The following CIMAP3 variants were observed in gnomAD, a reference collection of about 807,000 sequenced individuals.
CIMAP3 encodes ciliary microtubule-associated protein 3.
the CIMAP3 span, chr1:111,351,424 T>G: frequency 9.0e-7 from 1 of 1,108,500 alleles, no homozygotes; most frequent in African/African-American, 1.6e-5. Flanking sequence ...GTGGCCCTCT[T>G]GTCTGGCAGC....
the CIMAP3 span, among the ~76,000 whole-genome samples, chr1:111,332,271 C>T: frequency 2.0e-5 from 3 of 152,174 alleles, no homozygotes; most frequent in Admixed American, 6.5e-5. Flanking sequence ...TGGAGACAAC[C>T]CACAGCAGTT....
At chr1:111,348,663 T>C in the CIMAP3 span, 4 of 1,555,998 alleles carry the variant, frequency 2.6e-6, no homozygotes, top group African/African-American at 5.5e-5. Context: ...CTCCTCCCTT[T>C]TGGTGCACTT....
At chr1:111,351,373 C>T in the CIMAP3 span, 2 of 1,435,844 alleles carry the variant, frequency 1.4e-6, no homozygotes, top group African/African-American at 2.9e-5. Flanking sequence ...ACAGACTCTC[C>T]AGGACTGAGG....
At chr1:111,324,740 G>A in the CIMAP3 span, 13 of 985,284 alleles carry the variant, frequency 1.3e-5, no homozygotes, top group Non-Finnish European at 1.6e-5. Context: ...GAGAGATCCA[G>A]GCTTACTGGA....
chr1:111,338,477 AATAATC>A, the CIMAP3 span, among the ~76,000 whole-genome samples: 71,700 of 149,860 alleles, frequency 0.48, 17,506 homozygotes, highest in South Asian at 0.54. Context: ...AAAAAGAGAG[AATAATC>A]ATAATCAAAT....
At chr1:111,329,515 CCATATATATATATA>C in the CIMAP3 span, among the ~76,000 whole-genome samples, 2 of 77,016 alleles carry the variant, frequency 2.6e-5, no homozygotes, top group East Asian at 8.9e-4. Flanking sequence ...TCACATAAAC[CCATATATATATATA>C]TATATATATA....
At chr1:111,338,690 G>T in the CIMAP3 span, among the ~76,000 whole-genome samples, 13 of 152,112 alleles carry the variant, frequency 8.5e-5, no homozygotes, top group South Asian at 2.5e-3. Flanking sequence ...AATAACAGGA[G>T]CTGAAATTGT....
At chr1:111,337,919 A>C in the CIMAP3 span, among the ~76,000 whole-genome samples, 1 of 150,542 alleles carries the variant, frequency 6.6e-6, no homozygotes, top group Admixed American at 6.6e-5. Context: ...CACCACACCT[A>C]TTCCAAAATT....
chr1:111,332,428 G>A, the CIMAP3 span, among the ~76,000 whole-genome samples: 2 of 152,196 alleles, frequency 1.3e-5, no homozygotes, highest in African/African-American at 2.4e-5. Context: ...TGCAGTGGGA[G>A]GCCTATAAAG....
At chr1:111,329,247 G>C in the CIMAP3 span, among the ~76,000 whole-genome samples, 1 of 151,990 alleles carries the variant, frequency 6.6e-6, no homozygotes, top group African/African-American at 2.4e-5. Flanking sequence ...CTTTGTAGGT[G>C]ACCTGACCTT....
the CIMAP3 span, among the ~76,000 whole-genome samples, chr1:111,341,696 G>A: frequency 6.6e-6 from 1 of 152,312 alleles, no homozygotes; most frequent in Non-Finnish European, 1.5e-5. Flanking sequence ...TTTCCTTCAA[G>A]TTTAATCCCG....
At chr1:111,348,665 G>T in the CIMAP3 span, 2 of 1,546,204 alleles carry the variant, frequency 1.3e-6, no homozygotes, top group Non-Finnish European at 1.7e-6. Flanking sequence ...CCTCCCTTTT[G>T]GTGCACTTCA....
the CIMAP3 span, chr1:111,346,704 G>A: frequency 1.2e-6 from 2 of 1,603,966 alleles, no homozygotes; most frequent in Non-Finnish European, 1.7e-6. Context: ...CTAGAGTAGA[G>A]GGCAGGTAGG....
chr1:111,348,707 G>A, the CIMAP3 span: 27 of 1,454,308 alleles, frequency 1.9e-5, no homozygotes, highest in African/African-American at 1.3e-4. Context: ...AAAGAAGTAC[G>A]TAATAAAAGA....
At chr1:111,332,894 T>C in the CIMAP3 span, among the ~76,000 whole-genome samples, 5 of 152,176 alleles carry the variant, frequency 3.3e-5, no homozygotes, top group African/African-American at 1.2e-4. Context: ...TCCTGGGGCA[T>C]AGATACATAT....
At chr1:111,334,313 G>A in the CIMAP3 span, among the ~76,000 whole-genome samples, 2 of 152,174 alleles carry the variant, frequency 1.3e-5, no homozygotes, top group East Asian at 3.8e-4. Flanking sequence ...GGAAGGGCAG[G>A]GCTCCAATCA....
chr1:111,342,696 G>A, the CIMAP3 span, among the ~76,000 whole-genome samples: 1 of 152,194 alleles, frequency 6.6e-6, no homozygotes, highest in Admixed American at 6.5e-5. Context: ...CTTCCTGTGG[G>A]TTAAGGCAGG....
chr1:111,349,124 A>G, the CIMAP3 span: 1 of 153,044 alleles, frequency 6.5e-6, no homozygotes, highest in African/African-American at 2.4e-5. Flanking sequence ...TGTCCAGGCT[A>G]CAAAGAAGGT....
the CIMAP3 span, chr1:111,350,214 A>C: frequency 6.2e-7 from 1 of 1,608,762 alleles, no homozygotes; most frequent in South Asian, 1.1e-5. Context: ...AAAGAACCCT[A>C]AAAGCTGAGG....
Sources: gnomAD v4.1 joint callset for allele counts (sites outside exome capture counted in the v4.1 genomes callset) on GRCh38, gnomAD v4.1.1 for gene constraint, MANE v1.5 for transcripts, NCBI Gene and HGNC (gene_info 2026-07-23, HGNC 2026-07-21) for gene names.